ACSBG2: variants seen among roughly 807,000 people sequenced by gnomAD.
ACSBG2 encodes the protein acyl-CoA synthetase bubblegum family member 2.
A neutral mutation model predicts 74.7 loss-of-function variants in ACSBG2; 62 were observed. The ratio of observed to expected loss-of-function variants is 0.83; its 90% CI spans 0.68 to 1.03. The LOEUF (loss-of-function observed/expected upper bound fraction) is 1.03. Ranked by LOEUF, ACSBG2 falls within the 50% of genes least tolerant of loss-of-function variation. The probability of loss-of-function intolerance (pLI) is 0.00; values close to 1 mark genes in which losing one functional copy is unlikely to be tolerated. For synonymous variants in ACSBG2, 309 were observed against 294.1 expected (o/e 1.05, Z -0.52); for missense variants, 730 against 817.6 (o/e 0.89, Z 1.31).
intron 10 of ACSBG2, among the ~76,000 whole-genome samples, chr19:6,183,943 G>A (rs953543106): frequency 2.0e-5 from 3 of 152,046 alleles, no homozygotes; most frequent in East Asian, 1.9e-4. Context: ...AGGACTACAC[G>A]CATGAGCCTC....
chr19:6,190,356 A>C (rs2090528532), intron 13 of ACSBG2: 1 of 507,590 alleles, frequency 2.0e-6, no homozygotes, highest in South Asian at 2.0e-5. Context: ...CACAGAATGC[A>C]CCATGCTCTT....
At chr19:6,175,410 C>T (rs750802561) in intron 7 of ACSBG2, 1 of 152,206 alleles carries the variant, frequency 6.6e-6, no homozygotes, top group Non-Finnish European at 1.5e-5. Flanking sequence ...CAAATGAAAA[C>T]ATTCAGTTTG....
At chr19:6,150,317 C>T (rs537029131) in intron 3 of ACSBG2, among the ~76,000 whole-genome samples, 1 of 139,288 alleles carries the variant, frequency 7.2e-6, no homozygotes, top group Admixed American at 7.5e-5. Context: ...TATGATTCAG[C>T]AGTCTCACTC....
intron 8 of ACSBG2, among the ~76,000 whole-genome samples, chr19:6,181,265 G>C (rs975569531): frequency 8.2e-6 from 1 of 122,212 alleles, no homozygotes; most frequent in Non-Finnish European, 1.7e-5. Context: ...GGCAAGGGAA[G>C]AGAAGGGAGG....
At chr19:6,165,832 CT>C in intron 6 of ACSBG2, 33 bp from the exon 7 acceptor site, 1 of 1,612,236 alleles carries the variant, frequency 6.2e-7, no homozygotes, top group Non-Finnish European at 8.5e-7. Flanking sequence ...TCCCGACTGC[CT>C]TCTCATCCTC....
In ACSBG2 at chr19:6,156,656, C is replaced by T. The variant is rs980314182; in HGVS notation, c.507+105C>T. 69 of 1,257,778 alleles carry T rather than the reference C, an allele frequency of 5.5e-5. No individual in the cohort carries two copies. In the East Asian group the frequency reaches 1.9e-3, roughly 34 times the overall value. The allele number at this position is 1,257,778 out of a possible 1,614,324, so 77.9% of individuals were successfully genotyped here. On this transcript the variant is annotated intron_variant, in intron 5 of 14. Coordinates refer to ENST00000588485, the MANE Select transcript of ACSBG2 (RefSeq NM_030924.5). Reference sequence around the variant, plus strand: ...GGTAAATTCTAATGATAAGATAGGGCCATGCATCTGTTCAGCGAGTCCTCC... The same window carrying T: ...GGTAAATTCTAATGATAAGATAGGGTCATGCATCTGTTCAGCGAGTCCTCC...
At chr19:6,136,283 G>A (rs1359764494) in intron 1 of ACSBG2, among the ~76,000 whole-genome samples, 1 of 152,078 alleles carries the variant, frequency 6.6e-6, no homozygotes, top group Admixed American at 6.6e-5. Flanking sequence ...TAGTAGAGAT[G>A]GGGTTTCACC....
At chr19:6,165,318 TTCA>T (rs2145143613) in intron 6 of ACSBG2, among the ~76,000 whole-genome samples, 1 of 152,326 alleles carries the variant, frequency 6.6e-6, no homozygotes, top group East Asian at 1.9e-4. Flanking sequence ...AGGTAAAGTC[TTCA>T]TCTTCATTAT....
chr19:6,173,060 A>G (rs1045827594), intron 7 of ACSBG2, among the ~76,000 whole-genome samples: 3 of 152,110 alleles, frequency 2.0e-5, no homozygotes, highest in Admixed American at 6.5e-5. Context: ...TTTCCCAGGC[A>G]TGGGTGCTGC....
intron 2 of ACSBG2, among the ~76,000 whole-genome samples, chr19:6,142,087 A>G (rs2144999215): frequency 6.6e-6 from 1 of 152,258 alleles, no homozygotes; most frequent in East Asian, 1.9e-4. Context: ...AGTTGTTCAC[A>G]TAATTCAGAG....
At chr19:6,153,096 TC>T (rs2089292180) in intron 4 of ACSBG2, among the ~76,000 whole-genome samples, 2 of 151,838 alleles carry the variant, frequency 1.3e-5, no homozygotes, top group Non-Finnish European at 1.5e-5. Context: ...ACCAAAAAAA[TC>T]AGCCAGGCGT....
At chr19:6,176,169 A>T (rs923139211) in intron 7 of ACSBG2, 115 of 549,216 alleles carry the variant, frequency 2.1e-4, no homozygotes, top group Non-Finnish European at 2.4e-4. Context: ...AAACCGTTAG[A>T]CCTAGGGCTT....
At chr19:6,144,941 C>T (rs559775603) in intron 2 of ACSBG2, among the ~76,000 whole-genome samples, 80 of 152,112 alleles carry the variant, frequency 5.3e-4, no homozygotes, top group African/African-American at 1.7e-3. Flanking sequence ...AGTGATCTGC[C>T]GGCGTCGGCC....
At chr19:6,168,390 C>T (rs1426417438) in intron 7 of ACSBG2, among the ~76,000 whole-genome samples, 1 of 152,166 alleles carries the variant, frequency 6.6e-6, no homozygotes, top group East Asian at 1.9e-4. Context: ...AATAAACCAC[C>T]CCATTACTAC....
At position 6,183,064 on chromosome 19, in the gene ACSBG2, C is replaced by G. The variant is rs763484624; in HGVS notation, c.1114C>G (p.Arg372Gly). Residue 372 changes from arginine to glycine, a missense_variant, in exon 10 of 15, where the codon CGC (arginine) becomes GGC (glycine). Physicochemically the swap from Arg to Gly is moderately radical, Grantham distance 125. Transcript: ENST00000588485. ...LGKYNTPVSY[R>G]MAKTLVFSKV... Reference sequence around the variant, plus strand: ...GAAATATAATACTCCCGTGAGCTACCGCATGGCTAAGACTCTCGTGTTCAG... The same window carrying G: ...GAAATATAATACTCCCGTGAGCTACGGCATGGCTAAGACTCTCGTGTTCAG... The G allele has an allele frequency of 6.2e-7, 1 of 1,614,162 alleles. No homozygotes were observed. Among genetic ancestry groups the G allele is most frequent in the Admixed American group, 1.7e-5 (1 of 60,014 alleles).
chr19:6,169,244 T>A (rs2089899821), intron 7 of ACSBG2, among the ~76,000 whole-genome samples: 1 of 152,240 alleles, frequency 6.6e-6, no homozygotes, highest in Non-Finnish European at 1.5e-5. Context: ...ATAAATTCTC[T>A]GCCTAGCCCA....
intron 10 of ACSBG2, among the ~76,000 whole-genome samples, chr19:6,184,934 G>GT (rs2090366084): frequency 9.1e-6 from 1 of 110,084 alleles, no homozygotes; most frequent in African/African-American, 3.3e-5. Context: ...TTTTGTTTTT[G>GT]TTTTTTGAGA....
chr19:6,176,119 C>T (rs1025921009), intron 7 of ACSBG2: 24 of 394,426 alleles, frequency 6.1e-5, no homozygotes, highest in African/African-American at 4.8e-4. Flanking sequence ...TAGTTAAGGA[C>T]TCTGTGCTTC....
intron 10 of ACSBG2, 85 bp from the exon 11 acceptor site, chr19:6,185,351 A>T: frequency 7.4e-7 from 1 of 1,357,788 alleles, no homozygotes; most frequent in South Asian, 1.2e-5. Flanking sequence ...GCAGAGTATT[A>T]GGCACCTAGG....
Sources: allele counts gnomAD v4.1 joint callset (sites outside exome capture counted in the v4.1 genomes callset), GRCh38; gene constraint gnomAD v4.1.1; transcripts MANE v1.5; gene names NCBI Gene and HGNC (gene_info 2026-07-23, HGNC 2026-07-21).